Variants in TMIGD2 observed in about 807,000 individuals in gnomAD.
TMIGD2 encodes the protein transmembrane and immunoglobulin domain-containing protein 2.
TMIGD2 carries 18 observed loss-of-function variants against 22.6 expected under a neutral mutation model. That is an observed-to-expected ratio of 0.80 (90% CI 0.55 to 1.18). The LOEUF is 1.18. TMIGD2 is among the 50% of genes most tolerant of loss of function. The pLI is 0.00. For missense variants in TMIGD2, 361 were observed against 378.2 expected, an observed-to-expected ratio of 0.95 and a Z score of 0.38; for synonymous variants, 184 against 154.1, an observed-to-expected ratio of 1.19 and a Z score of -1.44.
At chr19:4,293,036 T>G in intron 4 of TMIGD2, 151 bp from the exon 5 acceptor site, 1 of 1,203,346 alleles carries the variant, frequency 8.3e-7, no homozygotes, top group Non-Finnish European at 1.2e-6. Flanking sequence ...CAATCTCGGC[T>G]CACTGCAAGC....
chr19:4,296,986 C>T (rs796790507), intron 2 of TMIGD2, among the ~76,000 whole-genome samples: 16 of 152,184 alleles, frequency 1.1e-4, no homozygotes, highest in African/African-American at 3.9e-4. Context: ...CTCTCTGGTT[C>T]ACCTGGCTCA....
chr19:4,294,523 C>T (rs760089452), intron 4 of TMIGD2, 56 bp downstream of exon 4: 1 of 1,556,866 alleles, frequency 6.4e-7, no homozygotes. Context: ...GGGTCTTTGT[C>T]AAGCAGCTGC....
At chr19:4,300,235 T>A (rs1971518119) in intron 1 of TMIGD2, among the ~76,000 whole-genome samples, 1 of 145,986 alleles carries the variant, frequency 6.8e-6, no homozygotes, top group African/African-American at 2.6e-5. Flanking sequence ...CACTCCAGCC[T>A]GGGTGACAGA....
chr19:4,298,461 G>C, intron 1 of TMIGD2, 116 bp from the exon 2 acceptor site: 2 of 1,410,252 alleles, frequency 1.4e-6, no homozygotes, highest in Non-Finnish European at 1.9e-6. Context: ...TCTAAGACGG[G>C]TGCAGTGGCT....
exon 5 of TMIGD2, chr19:4,292,410 C>T (rs1162968905): frequency 1.2e-5 from 8 of 662,742 alleles, no homozygotes; most frequent in African/African-American, 7.3e-5. Context: ...GGCGCAATCT[C>T]GGCTCACTGC....
rs930602350 is a variant in TMIGD2, at chr19:4,294,735, G to T, written c.448+40C>A. On this transcript the variant is annotated intron_variant, in intron 3 of 4. Transcript: ENST00000301272. Reference sequence around the variant, plus strand: ...CAGGAGGGGAAGGGGTGGTGATGCGGGTGGAAGACGCTGGGGGAGGAACAC... The same window carrying T: ...CAGGAGGGGAAGGGGTGGTGATGCGTGTGGAAGACGCTGGGGGAGGAACAC... 1.0e-5 allele frequency: 16 copies of T among 1,572,954 alleles called. No individual in the cohort carries two copies. The Admixed American group carries it at 3.0e-4, about 29-fold the overall frequency.
Position 4,297,970 on chromosome 19 carries a change from C to T in TMIGD2, c.406+16G>A. On this transcript the variant is annotated intron_variant, in intron 2 of 4. Transcript: ENST00000301272. ...TCCTCCCCACTGCCCCTCCCTCTCC[C>T]CGCTGGCTCCCGTACCTGGGTCCAC... 1.3e-6 allele frequency: 2 copies of T among 1,548,650 alleles called. No homozygotes were observed. Among genetic ancestry groups the T allele is most frequent in the South Asian group, 1.2e-5 (1 of 81,122 alleles).
At chr19:4,301,603 G>A (rs1430814076) in intron 1 of TMIGD2, among the ~76,000 whole-genome samples, 1 of 152,234 alleles carries the variant, frequency 6.6e-6, no homozygotes, top group East Asian at 1.9e-4. Context: ...CTGGGAGGCA[G>A]AGGTTGCAGT....
At chr19:4,299,299 C>T (rs1255711257) in intron 1 of TMIGD2, among the ~76,000 whole-genome samples, 1 of 151,938 alleles carries the variant, frequency 6.6e-6, no homozygotes, top group East Asian at 1.9e-4. Flanking sequence ...CATGTAACCA[C>T]TATGCCTGGC....
At chr19:4,295,253 T>A (rs1599523057) in intron 2 of TMIGD2, among the ~76,000 whole-genome samples, 1 of 33,392 alleles carries the variant, frequency 3.0e-5, no homozygotes, top group Non-Finnish European at 5.5e-5. Context: ...AGAGCAAGAC[T>A]CTGCCTCAAA....
intron 1 of TMIGD2, among the ~76,000 whole-genome samples, chr19:4,301,038 T>A (rs1310087773): frequency 2.0e-5 from 3 of 151,908 alleles, no homozygotes; most frequent in African/African-American, 7.3e-5. Context: ...AGTGGTGTGA[T>A]CTCGGCTCAT....
At chr19:4,293,697 A>G (rs951380753) in intron 4 of TMIGD2, among the ~76,000 whole-genome samples, 2 of 151,538 alleles carry the variant, frequency 1.3e-5, no homozygotes, top group East Asian at 3.9e-4. Context: ...CCCAGGTTCA[A>G]GCAATCCTCA....
Position 4,292,621 on chromosome 19 carries a change from A to G in TMIGD2, c.827T>C (p.Phe276Ser), listed in dbSNP as rs754451058. The change falls in exon 5 of 5, where the codon TTC becomes TCC. Residue 276 changes from phenylalanine (F) to serine (S), a missense_variant. Phe to Ser is a radical substitution (Grantham distance 155). Transcript: ENST00000301272. ...CTCTCACTCCTCTCCCACTTTGGGG[A>G]ACCCTTTTGGCCTCGGCTGCTGGGT... The G allele has an allele frequency of 2.5e-6, 4 of 1,613,128 alleles. No individual in the cohort carries two copies. In the South Asian group the frequency reaches 3.3e-5, roughly 13 times the overall value.
rs781309097 is a variant in TMIGD2, at chr19:4,294,571, G to T, written c.558C>A (p.Ser186Arg). 6.2e-7 allele frequency: 1 copy of T among 1,612,172 alleles called. No individual in the cohort carries two copies. Among genetic ancestry groups the T allele is most frequent in the South Asian group, 1.1e-5 (1 of 90,926 alleles). Residue 186 changes from serine to arginine, a missense_variant, in exon 4 of 5, where the codon AGC becomes AGA. Transcript: ENST00000301272. ...CTCCGCCCTACCCTCCCTTACCTGGGCTGTTACCTGAGTCCCTTTGCTGGC... is the reference window on the plus strand; with the variant it reads ...CTCCGCCCTACCCTCCCTTACCTGGTCTGTTACCTGAGTCCCTTTGCTGGC...
chr19:4,296,815 C>A (rs569482140), intron 2 of TMIGD2, among the ~76,000 whole-genome samples: 2 of 152,134 alleles, frequency 1.3e-5, no homozygotes, highest in Non-Finnish European at 2.9e-5. Context: ...GACAGAGGCC[C>A]GGGGCCCACA....
intron 4 of TMIGD2, among the ~76,000 whole-genome samples, chr19:4,293,801 G>A (rs535586768): frequency 4.6e-5 from 7 of 151,250 alleles, no homozygotes; most frequent in South Asian, 2.1e-4. Context: ...TGGCTGTGTC[G>A]CCCAGGCTGG....
At position 4,297,954 on chromosome 19, in the gene TMIGD2, C is replaced by T. The variant is rs1971482670; in HGVS notation, c.406+32G>A. 27 of 1,524,522 alleles carry T rather than the reference C, an allele frequency of 1.8e-5. No individual in the cohort carries two copies. The East Asian group carries it at 6.2e-4, about 35-fold the overall frequency. 94.4% of individuals were successfully genotyped at this position (1,524,522 alleles called of 1,614,324 possible). ...TCTTAAGATTCTAGGATCCTCCCCA[C>T]TGCCCCTCCCTCTCCCCGCTGGCTC... On this transcript the variant is annotated intron_variant, in intron 2 of 4. Transcript: ENST00000301272.
At chr19:4,302,110 GAGGCC>G (rs1316190424) in intron 1 of TMIGD2, among the ~76,000 whole-genome samples, 3 of 152,102 alleles carry the variant, frequency 2.0e-5, no homozygotes, top group African/African-American at 7.2e-5. Flanking sequence ...GGAGATGAGA[GAGGCC>G]AGGCCAGGCT....
rs74664646 is a variant in TMIGD2 at position 4,302,302 on chromosome 19, G to C, written c.46+38C>G. 3,038 of 1,549,536 alleles carry C rather than the reference G, an allele frequency of 2.0e-3. 50 individuals are homozygous for C. The African/African-American group carries it at 0.033, about 17-fold the overall frequency. On this transcript the variant is annotated intron_variant, in intron 1 of 4. Transcript: ENST00000301272. ...GGCAGGCAGCTGGGGATGACAGCAA[G>C]AGTGGGGTTCAGAGGGGAGGGAGGC... is the stretch of plus-strand genomic sequence containing the variant.
Sources: allele counts gnomAD v4.1 joint callset (sites outside exome capture counted in the v4.1 genomes callset), GRCh38; gene constraint gnomAD v4.1.1; transcripts MANE v1.5; gene names NCBI Gene and HGNC (gene_info 2026-07-23, HGNC 2026-07-21).